The following PSD3 variants were observed in gnomAD, a reference collection of about 807,000 sequenced individuals.
PSD3 encodes PH and SEC7 domain-containing protein 3.
PSD3 carries 49 observed loss-of-function variants against 105.5 expected under a neutral mutation model. The observed-to-expected ratio is 0.46, with a 90% CI of 0.37 to 0.59. PSD3 has a LOEUF of 0.59. PSD3 is among the 20% of genes least tolerant of loss of function. The probability of loss-of-function intolerance (pLI) is 0.00; values close to 1 mark genes in which losing one functional copy is unlikely to be tolerated. For missense variants in PSD3, 1,561 were observed against 1,263.8 expected, an observed-to-expected ratio of 1.24 and a Z score of -3.57; for synonymous variants, 557 against 457.8, an observed-to-expected ratio of 1.22 and a Z score of -2.77.
chr8:18,759,710 G>C (rs947281114), intron 9 of PSD3, among the ~76,000 whole-genome samples: 1 of 152,058 alleles, frequency 6.6e-6, no homozygotes, highest in Non-Finnish European at 1.5e-5. Context: ...CTACAGTCTA[G>C]ATGTCTCTTC....
intron 1 of PSD3, among the ~76,000 whole-genome samples, chr8:18,967,575 C>T (rs1824354691): frequency 6.6e-6 from 1 of 152,176 alleles, no homozygotes; most frequent in Admixed American, 6.5e-5. Context: ...CCAGACTTGC[C>T]CTGCTGAAGG....
intron 12 of PSD3, among the ~76,000 whole-genome samples, chr8:18,576,550 G>A (rs1230178722): frequency 6.6e-6 from 1 of 152,028 alleles, no homozygotes; most frequent in African/African-American, 2.4e-5. Flanking sequence ...TTTTAAATGA[G>A]ATTTTTCTCA....
At chr8:18,953,507 G>A (rs1255118155) in intron 1 of PSD3, among the ~76,000 whole-genome samples, 1 of 152,196 alleles carries the variant, frequency 6.6e-6, no homozygotes, top group Admixed American at 6.5e-5. Flanking sequence ...CCAGCACTTT[G>A]GGAGGCCAAG....
intron 1 of PSD3, among the ~76,000 whole-genome samples, chr8:18,953,079 A>G (rs1485031228): frequency 6.6e-6 from 1 of 152,228 alleles, no homozygotes; most frequent in African/African-American, 2.4e-5. Flanking sequence ...CCATTTAAGA[A>G]ACAGAAATAC....
intron 1 of PSD3, among the ~76,000 whole-genome samples, chr8:19,051,075 C>T (rs755813075): frequency 6.6e-6 from 1 of 152,166 alleles, no homozygotes; most frequent in Non-Finnish European, 1.5e-5. Flanking sequence ...ATCCAAACCT[C>T]TCCACACTGC....
At chr8:19,010,074 T>C (rs1826881781) in intron 1 of PSD3, among the ~76,000 whole-genome samples, 1 of 152,234 alleles carries the variant, frequency 6.6e-6, no homozygotes, top group African/African-American at 2.4e-5. Context: ...TCAACATGTA[T>C]AAATTATTCT....
At chr8:18,989,585 T>C (rs1467145124) in intron 1 of PSD3, among the ~76,000 whole-genome samples, 1 of 152,226 alleles carries the variant, frequency 6.6e-6, no homozygotes, top group East Asian at 1.9e-4. Context: ...TAATAAATTA[T>C]CTTGGGCAAA....
intron 2 of PSD3, among the ~76,000 whole-genome samples, chr8:18,919,949 G>A (rs1301542554): frequency 6.7e-6 from 1 of 149,528 alleles, no homozygotes; most frequent in East Asian, 2.0e-4. Flanking sequence ...ATGTATACAT[G>A]TGTAACTAAC....
intron 2 of PSD3, among the ~76,000 whole-genome samples, chr8:18,915,137 C>T (rs1468791189): frequency 2.0e-5 from 3 of 152,096 alleles, no homozygotes; most frequent in Non-Finnish European, 4.4e-5. Flanking sequence ...ACGGAATATC[C>T]ACATGCAGAA....
At chr8:18,960,918 C>G (rs1352733860) in intron 1 of PSD3, among the ~76,000 whole-genome samples, 1 of 151,874 alleles carries the variant, frequency 6.6e-6, no homozygotes, top group Non-Finnish European at 1.5e-5. Context: ...AACTCCATCT[C>G]TACAAAAAAA....
intron 9 of PSD3, among the ~76,000 whole-genome samples, chr8:18,754,546 G>T (rs573640154): frequency 6.6e-6 from 1 of 152,148 alleles, no homozygotes; most frequent in Non-Finnish European, 1.5e-5. Context: ...GCTGGTATTT[G>T]CCTGTGTCTA....
intron 9 of PSD3, among the ~76,000 whole-genome samples, chr8:18,690,587 G>A (rs963518498): frequency 6.6e-6 from 1 of 152,142 alleles, no homozygotes; most frequent in South Asian, 2.1e-4. Flanking sequence ...CCAGCCACAT[G>A]AGGCCTGATA....
At chr8:18,682,967 G>A (rs149194829) in intron 9 of PSD3, among the ~76,000 whole-genome samples, 3 of 152,188 alleles carry the variant, frequency 2.0e-5, no homozygotes, top group East Asian at 1.9e-4. Context: ...CTCCAGACCT[G>A]GAGTTCTGTG....
At chr8:18,781,318 A>G (rs182648222) in intron 8 of PSD3, among the ~76,000 whole-genome samples, 2 of 152,324 alleles carry the variant, frequency 1.3e-5, no homozygotes, top group African/African-American at 4.8e-5. Context: ...TGATGCATGC[A>G]TATCCTTTTT....
chr8:18,794,771 G>A (rs1220151584), intron 8 of PSD3, among the ~76,000 whole-genome samples: 2 of 22,264 alleles, frequency 9.0e-5, no homozygotes, highest in East Asian at 9.8e-4. Flanking sequence ...AGAGGCTGGC[G>A]GGATCCTCCA....
At chr8:18,919,139 G>C (rs1432972781) in intron 2 of PSD3, among the ~76,000 whole-genome samples, 1 of 152,028 alleles carries the variant, frequency 6.6e-6, no homozygotes, top group Non-Finnish European at 1.5e-5. Context: ...TTATGCCTCA[G>C]AGTTTAAATT....
chr8:18,674,555 A>C (rs2130924764), intron 9 of PSD3, among the ~76,000 whole-genome samples: 1 of 152,340 alleles, frequency 6.6e-6, no homozygotes, highest in Admixed American at 6.5e-5. Context: ...TTAAGAGTTA[A>C]GTTTTTTTGC....
intron 10 of PSD3, among the ~76,000 whole-genome samples, chr8:18,640,500 T>G (rs1395599713): frequency 6.6e-6 from 1 of 152,140 alleles, no homozygotes; most frequent in East Asian, 1.9e-4. Context: ...TCTCGTGAGA[T>G]CTGATGGTTT....
chr8:18,583,664 G>T (rs183704232), intron 12 of PSD3, among the ~76,000 whole-genome samples: 51 of 152,236 alleles, frequency 3.4e-4, no homozygotes, highest in African/African-American at 1.2e-3. Flanking sequence ...TGTGGGGTTA[G>T]ATATCACTTT....
Sources: allele counts gnomAD v4.1 joint callset (sites outside exome capture counted in the v4.1 genomes callset), GRCh38; gene constraint gnomAD v4.1.1; transcripts MANE v1.5; gene names NCBI Gene and HGNC (gene_info 2026-07-23, HGNC 2026-07-21).